Variants in NUDT3 observed in about 807,000 individuals in gnomAD.
NUDT3 encodes nudix hydrolase 3, also known as diphosphoinositol polyphosphate phosphohydrolase 1.
Under a neutral mutation model 23.6 loss-of-function variants are expected in NUDT3, and 9 were observed. The observed-to-expected ratio is 0.38, with a 90% CI of 0.23 to 0.66. The LOEUF is 0.66. Ranked by LOEUF, NUDT3 falls within the 30% of genes least tolerant of loss-of-function variation. NUDT3 has a pLI of 0.52. For synonymous variants in NUDT3, 86 were observed against 82.6 expected (o/e 1.04, Z -0.22); for missense variants, 172 against 218.5 (o/e 0.79, Z 1.34).
At chr6:34,310,443 T>C (rs1763753437) in intron 2 of NUDT3, among the ~76,000 whole-genome samples, 1 of 151,868 alleles carries the variant, frequency 6.6e-6, no homozygotes, top group African/African-American at 2.4e-5. Flanking sequence ...GGCGGGAGAA[T>C]CACTTGAACT....
intron 1 of NUDT3, among the ~76,000 whole-genome samples, chr6:34,388,142 A>G (rs553423441): frequency 5.3e-5 from 8 of 152,320 alleles, no homozygotes; most frequent in African/African-American, 1.9e-4. Context: ...CTTAGGAGCA[A>G]TAGGCTATAC....
intron 2 of NUDT3, among the ~76,000 whole-genome samples, chr6:34,340,474 G>A (rs1188944773): frequency 6.6e-6 from 1 of 152,188 alleles, no homozygotes; most frequent in Non-Finnish European, 1.5e-5. Flanking sequence ...GGTGTTTAAA[G>A]TTATTTTCTC....
At chr6:34,298,132 T>C (rs750437377) in intron 2 of NUDT3, among the ~76,000 whole-genome samples, 33 of 151,856 alleles carry the variant, frequency 2.2e-4, no homozygotes, top group Non-Finnish European at 4.0e-4. Context: ...GAGGCCGAGG[T>C]AGGTGGACTG....
At chr6:34,363,645 A>G (rs2113753722) in intron 1 of NUDT3, among the ~76,000 whole-genome samples, 1 of 152,286 alleles carries the variant, frequency 6.6e-6, no homozygotes, top group South Asian at 2.1e-4. Context: ...GCACATTTCT[A>G]CCTTTCCCAT....
In NUDT3 at chr6:34,354,418, CACACACACACAT is replaced by C. The variant is rs1231452259; in HGVS notation, c.100-12458_100-12447del. Among the ~76,000 whole-genome samples, 623 of 151,070 alleles carry C rather than the reference CACACACACACAT, an allele frequency of 4.1e-3. 3 individuals carry two copies. The highest frequency in any genetic ancestry group is 0.014 in the African/African-American group (592 of 40,960). On this transcript the variant is annotated intron_variant, in intron 1 of 4. Coordinates refer to ENST00000607016, the MANE Select transcript of NUDT3 (RefSeq NM_006703.4). Reference sequence around the variant, plus strand: ...AAACACACACACACACACACACACACACACACACACATACACACTCTTGGCCGGGCACAGTGG... The same window carrying C: ...AAACACACACACACACACACACACACACACACTCTTGGCCGGGCACAGTGG...
Position 34,295,506 on chromosome 6 carries a change from G to A in NUDT3, c.255+135C>T, listed in dbSNP as rs1011415844. The A allele has an allele frequency of 7.0e-6, 7 of 994,804 alleles. No homozygotes were observed. In the African/African-American group the frequency reaches 8.3e-5, roughly 12 times the overall value. The allele number at this position is 994,804 out of a possible 1,614,324, so 61.6% of individuals were successfully genotyped here. ...ACTGCACTCCAGCCTGGGCGAGAGTGAGACCTTGTCTCAAAAAGTTAAAAA... is the reference window on the plus strand; with the variant it reads ...ACTGCACTCCAGCCTGGGCGAGAGTAAGACCTTGTCTCAAAAAGTTAAAAA... On this transcript the variant is annotated intron_variant, in intron 3 of 4. Transcript: ENST00000607016.
rs1312635251 is a variant in NUDT3, at chr6:34,392,616, G to A, written c.-254C>T. On this transcript the variant is annotated 5_prime_UTR_variant, in exon 1 of 5. Coordinates refer to ENST00000607016, the MANE Select transcript of NUDT3 (RefSeq NM_006703.4). ...CAGGGCCGCCGCCCCCTCTGCCGCC[G>A]CCACCCCCGACGACGACCGCGCCGC... is the stretch of plus-strand genomic sequence containing the variant. 2.6e-5 allele frequency: 7 copies of A among 273,996 alleles called. No individual in the cohort carries two copies. The highest frequency in any genetic ancestry group is 6.5e-5 in the East Asian group (1 of 15,436). The allele number at this position is 273,996 out of a possible 1,614,324, so 17.0% of individuals were successfully genotyped here. A position where few individuals can be genotyped will look rare whatever the true frequency, so the allele number is the denominator to read the frequency against.
chr6:34,381,429 CA>C (rs1161479820), intron 1 of NUDT3, among the ~76,000 whole-genome samples: 2 of 151,240 alleles, frequency 1.3e-5, no homozygotes, highest in Non-Finnish European at 2.9e-5. Context: ...CTTTTGTAAC[CA>C]AAAATAATAA....
At chr6:34,343,536 C>T (rs1170123817) in intron 1 of NUDT3, among the ~76,000 whole-genome samples, 1 of 144,168 alleles carries the variant, frequency 6.9e-6, no homozygotes, top group Non-Finnish European at 1.5e-5. Flanking sequence ...GTGAGACCCC[C>T]ATCTCAAAAA....
chr6:34,390,285 G>A (rs1039668771), intron 1 of NUDT3, among the ~76,000 whole-genome samples: 1 of 151,110 alleles, frequency 6.6e-6, no homozygotes, highest in Admixed American at 6.6e-5. Flanking sequence ...CATAGCAAGA[G>A]TCGGTCTCAA....
In NUDT3 at chr6:34,285,263, C is replaced by T. The variant is rs1305986327; in HGVS notation, c.*3490G>A. ...GGGCTGCACTGTTTCTGGAAGACTA[C>T]AGAAAATCTAACATGGTTGACACTT... On this transcript the variant is annotated 3_prime_UTR_variant, in exon 5 of 5. Coordinates refer to ENST00000607016, the MANE Select transcript of NUDT3 (RefSeq NM_006703.4). The T allele has an allele frequency of 6.6e-6, 1 of 152,220 alleles. No homozygotes were observed. The highest frequency in any genetic ancestry group is 1.5e-5 in the Non-Finnish European group (1 of 68,048). The allele number at this position is 152,220 out of a possible 1,614,324, so 9.4% of individuals were successfully genotyped here.
chr6:34,327,589 C>T (rs1056786816), intron 2 of NUDT3, among the ~76,000 whole-genome samples: 4 of 151,806 alleles, frequency 2.6e-5, no homozygotes, highest in African/African-American at 4.8e-5. Flanking sequence ...TTTCTTTTAC[C>T]GCTATCTTCT....
chr6:34,341,758 G>T, intron 2 of NUDT3, 104 bp downstream of exon 2: 1 of 943,970 alleles, frequency 1.1e-6, no homozygotes, highest in Non-Finnish European at 1.5e-6. Flanking sequence ...CTTTTTCTGT[G>T]ACTGTATATT....
At chr6:34,326,836 G>T (rs1010826147) in intron 2 of NUDT3, among the ~76,000 whole-genome samples, 1 of 152,048 alleles carries the variant, frequency 6.6e-6, no homozygotes, top group Admixed American at 6.6e-5. Flanking sequence ...CCTAACCTCA[G>T]GTGATCCACC....
At chr6:34,361,014 G>A (rs1031334683) in intron 1 of NUDT3, among the ~76,000 whole-genome samples, 4 of 152,152 alleles carry the variant, frequency 2.6e-5, no homozygotes, top group African/African-American at 9.7e-5. Flanking sequence ...CGTGAGGTCA[G>A]GAGTTTGACA....
chr6:34,375,614 G>C (rs1354220929), intron 1 of NUDT3, among the ~76,000 whole-genome samples: 1 of 152,158 alleles, frequency 6.6e-6, no homozygotes, highest in African/African-American at 2.4e-5. Context: ...TAAATATGGT[G>C]AATAACTCTC....
At chr6:34,295,953 C>G (rs1763492855) in intron 2 of NUDT3, among the ~76,000 whole-genome samples, 1 of 152,136 alleles carries the variant, frequency 6.6e-6, no homozygotes, top group Admixed American at 6.5e-5. Flanking sequence ...AGAGCAAGAT[C>G]ATCAGGCCAT....
rs34208895 is a variant in NUDT3, at chr6:34,382,174, A to C, written c.99+10090T>G. On this transcript the variant is annotated intron_variant, in intron 1 of 4. Transcript: ENST00000607016. ...CACTTCGGGAGGGCAAGGAGGGAGGATCACTTGAGCCAGGAGTTCCAGACC... is the reference window on the plus strand; with the variant it reads ...CACTTCGGGAGGGCAAGGAGGGAGGCTCACTTGAGCCAGGAGTTCCAGACC... Among the ~76,000 whole-genome samples, 851 of 151,176 alleles carry C rather than the reference A, an allele frequency of 5.6e-3. 3 individuals are homozygous for C. Among genetic ancestry groups the C allele is most frequent in the Non-Finnish European group, 9.5e-3 (644 of 67,870 alleles).
chr6:34,351,226 A>AAAAAAAAAAAAAAAAC lies in NUDT3; in HGVS notation c.100-9255_100-9254insGTTTTTTTTTTTTTTT, dbSNP rs1554154786. Among the ~76,000 whole-genome samples, 4 of 134,072 alleles carry AAAAAAAAAAAAAAAAC rather than the reference A, an allele frequency of 3.0e-5. 1 individual carries two copies. Among genetic ancestry groups the AAAAAAAAAAAAAAAAC allele is most frequent in the African/African-American group, 1.2e-4 (4 of 32,094 alleles). 88.0% of individuals were successfully genotyped at this position (134,072 alleles called of 152,430 possible). On this transcript the variant is annotated intron_variant, in intron 1 of 4. Coordinates refer to ENST00000607016, the MANE Select transcript of NUDT3 (RefSeq NM_006703.4). ...AAAAAAAAAAAAAAAAAAAAAAAAA[A>AAAAAAAAAAAAAAAAC]CACTTTGGGAGGCCAAGATGGGAAG...
Sources: allele counts gnomAD v4.1 joint callset (sites outside exome capture counted in the v4.1 genomes callset), GRCh38; gene constraint gnomAD v4.1.1; transcripts MANE v1.5; gene names NCBI Gene and HGNC (gene_info 2026-07-23, HGNC 2026-07-21).